Variants in FLT1 observed in about 807,000 individuals in gnomAD.
The protein encoded by FLT1 is fms related receptor tyrosine kinase 1, also known as vascular endothelial growth factor receptor 1.
A neutral mutation model predicts 156.3 loss-of-function variants in FLT1; 49 were observed. The ratio of observed to expected loss-of-function variants is 0.31; its 90% CI spans 0.25 to 0.40. The LOEUF (loss-of-function observed/expected upper bound fraction) is 0.40. Ranked by LOEUF, FLT1 falls within the 10% of genes least tolerant of loss-of-function variation. The pLI, the probability that FLT1 is intolerant of heterozygous loss-of-function variation, is 1.00. For synonymous variants in FLT1, 594 were observed against 583.8 expected, an observed-to-expected ratio of 1.02 and a Z score of -0.25; for missense variants, 1,322 against 1,637.2, an observed-to-expected ratio of 0.81 and a Z score of 3.32.
chr13:28,327,576 T>C, intron 19 of FLT1, 26 bp from the exon 20 acceptor site: 1 of 1,505,282 alleles, frequency 6.6e-7, no homozygotes. Context: ...CACATGCTCA[T>C]GCTCAGCCAC....
intron 15 of FLT1, among the ~76,000 whole-genome samples, chr13:28,353,572 C>CAA (rs34155046): frequency 0.01 from 1,260 of 123,256 alleles, 21 homozygotes; most frequent in Non-Finnish European, 0.012. Flanking sequence ...GACTGTGTCT[C>CAA]AAAAAAAAAA....
rs867717872 is a variant in FLT1 at position 28,322,679 on chromosome 13, G to A, written c.2953+111C>T. Reference sequence around the variant, plus strand: ...TTATCTCCTCAGGACATTACCATTCGAGTCTCCCACGGATGTTTATTAGAG... The same window carrying A: ...TTATCTCCTCAGGACATTACCATTCAAGTCTCCCACGGATGTTTATTAGAG... On this transcript the variant is annotated intron_variant, in intron 21 of 29. Coordinates refer to ENST00000282397, the MANE Select transcript of FLT1 (RefSeq NM_002019.4). The surrounding 1 kb of genome is among the most constrained non-coding windows in gnomAD (Gnocchi z 4.3). 2 of 954,934 alleles carry A rather than the reference G, an allele frequency of 2.1e-6. No individual in the cohort carries two copies. The highest frequency in any genetic ancestry group is 3.4e-6 in the Non-Finnish European group (2 of 590,652). 59.2% of individuals were successfully genotyped at this position (954,934 alleles called of 1,614,324 possible). A position where few individuals can be genotyped will look rare whatever the true frequency, so the allele number is the denominator to read the frequency against.
rs540430740 is a variant in FLT1 at position 28,467,455 on chromosome 13, T to C, written c.161+66A>G. ...CACTGAGGTCCCTACCTTTTTACTC[T>C]GCCAGGGAATGATTTTGCCTTAGGC... On this transcript the variant is annotated intron_variant, in intron 2 of 29. Coordinates refer to ENST00000282397, the MANE Select transcript of FLT1 (RefSeq NM_002019.4). The C allele has an allele frequency of 2.2e-5, 23 of 1,067,030 alleles. No individual in the cohort carries two copies. In the South Asian group the frequency reaches 2.8e-4, roughly 13 times the overall value. The allele number at this position is 1,067,030 out of a possible 1,614,324, so 66.1% of individuals were successfully genotyped here.
chr13:28,472,715 C>A (rs775243988), intron 1 of FLT1, among the ~76,000 whole-genome samples: 9 of 152,130 alleles, frequency 5.9e-5, no homozygotes, highest in Non-Finnish European at 1.2e-4. Context: ...CTCCCTAGCT[C>A]TGCCATTTGT....
In FLT1 at chr13:28,303,196, C is replaced by A; in HGVS notation, c.3988G>T (p.Val1330Leu). 1 of 1,612,298 alleles carries A rather than the reference C, an allele frequency of 6.2e-7. No homozygotes were observed. The highest frequency in any genetic ancestry group is 8.5e-7 in the Non-Finnish European group (1 of 1,179,992). The change falls in exon 30 of 30, where the codon GTG becomes TTG. Residue 1330 changes from valine (V) to leucine (L), a missense_variant. Around this residue, in one of 3 missense-constraint regions of FLT1, gnomAD observed 329 missense variants for 366.2 expected, o/e 0.90. Transcript: ENST00000282397. ...ATGGGTGGGGTGGAGTACAGGACCA[C>A]CGAGTTGTAGTCTGGGGGCGGGGAG... ...CCSPPPDYNS[V>L]VLYSTPPI
Position 28,301,659 on chromosome 13 carries a change from C to T in FLT1, c.*1508G>A, listed in dbSNP as rs1042161031. 2 of 233,068 alleles carry T rather than the reference C, an allele frequency of 8.6e-6. No individual in the cohort carries two copies. Among genetic ancestry groups the T allele is most frequent in the African/African-American group, 4.4e-5 (2 of 45,310 alleles). The allele number at this position is 233,068 out of a possible 1,614,324, so 14.4% of individuals were successfully genotyped here. A position where few individuals can be genotyped will look rare whatever the true frequency, so the allele number is the denominator to read the frequency against. ...GCAGAAGGTGCAGACATCATAAATACATAGACCCTAACTTGCATAAATAGC... is the reference window on the plus strand; with the variant it reads ...GCAGAAGGTGCAGACATCATAAATATATAGACCCTAACTTGCATAAATAGC... On this transcript the variant is annotated 3_prime_UTR_variant, in exon 30 of 30. Coordinates refer to ENST00000282397, the MANE Select transcript of FLT1 (RefSeq NM_002019.4).
At chr13:28,390,257 G>A (rs1341190202) in intron 12 of FLT1, among the ~76,000 whole-genome samples, 153 bp from the exon 13 acceptor site, 1 of 152,188 alleles carries the variant, frequency 6.6e-6, no homozygotes, top group East Asian at 1.9e-4. Context: ...AACACAGCAG[G>A]TGGGAATCAA....
intron 13 of FLT1, chr13:28,386,594 A>G: frequency 9.5e-7 from 1 of 1,055,970 alleles, no homozygotes; most frequent in East Asian, 5.3e-5. Flanking sequence ...CACTAAGCAG[A>G]ACGTTACGAT....
intron 16 of FLT1, among the ~76,000 whole-genome samples, chr13:28,340,430 G>A (rs1387030873): frequency 1.3e-5 from 2 of 152,084 alleles, no homozygotes; most frequent in East Asian, 3.9e-4. Flanking sequence ...TACATTTAAT[G>A]TCTTAGATTC....
At chr13:28,483,942 A>C (rs1261920641) in intron 1 of FLT1, among the ~76,000 whole-genome samples, 10 of 152,210 alleles carry the variant, frequency 6.6e-5, no homozygotes, top group Admixed American at 3.9e-4. Context: ...TTTCAAAATT[A>C]AAAAGACCTA....
At chr13:28,474,507 C>CACACACAGACACACAGACACACAG (rs1555245773) in intron 1 of FLT1, among the ~76,000 whole-genome samples, 3 of 150,594 alleles carry the variant, frequency 2.0e-5, no homozygotes, top group African/African-American at 7.5e-5. Flanking sequence ...CACACACACA[C>CACACACAGACACACAGACACACAG]ACACACACAC....
intron 15 of FLT1, among the ~76,000 whole-genome samples, chr13:28,354,327 C>T (rs374979427): frequency 6.6e-6 from 1 of 152,158 alleles, no homozygotes; most frequent in Non-Finnish European, 1.5e-5. Context: ...TTCAAAATTT[C>T]TTCCTGTGCA....
At chr13:28,339,875 T>C (rs1872265306) in intron 16 of FLT1, among the ~76,000 whole-genome samples, 1 of 152,168 alleles carries the variant, frequency 6.6e-6, no homozygotes, top group African/African-American at 2.4e-5. Flanking sequence ...TCTGGAAAGG[T>C]TGTAGCTGAA....
intron 10 of FLT1, among the ~76,000 whole-genome samples, chr13:28,411,708 T>G (rs1876204457): frequency 6.6e-6 from 1 of 152,028 alleles, no homozygotes; most frequent in Admixed American, 6.6e-5. Flanking sequence ...CTAGAATGAG[T>G]GGCCCGGGGA....
Position 28,427,137 on chromosome 13 carries a change from TA to T in FLT1, c.1436+21del, listed in dbSNP as rs758923618. The T allele has an allele frequency of 3.7e-6, 6 of 1,610,508 alleles. No individual in the cohort carries two copies. In the African/African-American group the frequency reaches 4.0e-5, roughly 11 times the overall value. Reference sequence around the variant, plus strand: ...GTGTCAAAAAGTATTTGAAAGTTAGTAAAAAAACTGACTGTCCCTACCTTGC... The same window carrying T: ...GTGTCAAAAAGTATTTGAAAGTTAGTAAAAAACTGACTGTCCCTACCTTGC... On this transcript the variant is annotated intron_variant, in intron 10 of 29. Coordinates refer to ENST00000282397, the MANE Select transcript of FLT1 (RefSeq NM_002019.4).
At chr13:28,351,583 A>G (rs1478663267) in intron 15 of FLT1, among the ~76,000 whole-genome samples, 2 of 152,192 alleles carry the variant, frequency 1.3e-5, no homozygotes, top group African/African-American at 2.4e-5. Context: ...GAAGTTTTTT[A>G]GGAATCTATG....
chr13:28,443,854 A>G (rs1041297796), intron 3 of FLT1, among the ~76,000 whole-genome samples: 1 of 152,240 alleles, frequency 6.6e-6, no homozygotes, highest in Non-Finnish European at 1.5e-5. Flanking sequence ...AAAGCCACTG[A>G]CAACTCAAAA....
At chr13:28,303,503 C>CT (rs1555297817) in intron 29 of FLT1, 135 bp from the exon 30 acceptor site, 137 of 760,120 alleles carry the variant, frequency 1.8e-4, no homozygotes, top group East Asian at 1.5e-3. Context: ...CCCCCCCCCC[C>CT]TCAATTGCTG....
chr13:28,330,655 T>A (rs947151604), intron 18 of FLT1, among the ~76,000 whole-genome samples: 1 of 149,742 alleles, frequency 6.7e-6, no homozygotes, highest in African/African-American at 2.4e-5. Flanking sequence ...TTAAAAAATC[T>A]ATTTCCCCCC....
Sources: allele counts gnomAD v4.1 joint callset (sites outside exome capture counted in the v4.1 genomes callset), GRCh38; gene constraint gnomAD v4.1.1; regional missense constraint gnomAD v4.1.1; non-coding constraint Gnocchi (gnomAD v3.1); transcripts MANE v1.5; gene names NCBI Gene and HGNC (gene_info 2026-07-23, HGNC 2026-07-21).